The following FRAS1 variants were observed in gnomAD, a reference collection of about 807,000 sequenced individuals.
FRAS1 encodes the protein Fraser extracellular matrix complex subunit 1.
A neutral mutation model predicts 435.2 loss-of-function variants in FRAS1; 290 were observed. That is an observed-to-expected ratio of 0.67 (90% CI 0.61 to 0.73). The LOEUF (loss-of-function observed/expected upper bound fraction) is 0.73, where lower values mean the gene tolerates loss of function less well. Among genes scored for constraint, FRAS1 ranks in the 30% least tolerant of loss-of-function variants. The probability of loss-of-function intolerance (pLI) is 0.00; values close to 1 mark genes in which losing one functional copy is unlikely to be tolerated. For synonymous variants in FRAS1, 1,800 were observed against 1,851.0 expected (o/e 0.97, Z 0.71); for missense variants, 4,860 against 5,001.5 (o/e 0.97, Z 0.85).
intron 2 of FRAS1, among the ~76,000 whole-genome samples, chr4:78,089,648 C>G (rs557178071): frequency 3.8e-4 from 32 of 83,138 alleles, no homozygotes; most frequent in Admixed American, 1.6e-3. Flanking sequence ...CTGAAGAACA[C>G]ATAATATAAA....
At chr4:78,492,251 C>T (rs763843701) in intron 59 of FRAS1, among the ~76,000 whole-genome samples, 1 of 152,178 alleles carries the variant, frequency 6.6e-6, no homozygotes, top group Non-Finnish European at 1.5e-5. Flanking sequence ...TTGCTATCCC[C>T]ATCAAGCTAC....
At chr4:78,407,275 C>G (rs983744867) in intron 30 of FRAS1, among the ~76,000 whole-genome samples, 1 of 152,162 alleles carries the variant, frequency 6.6e-6, no homozygotes, top group African/African-American at 2.4e-5. Flanking sequence ...AACTTCCTGG[C>G]TGGAAAACAT....
chr4:78,344,720 T>C (rs1730540185), intron 20 of FRAS1, among the ~76,000 whole-genome samples: 1 of 152,142 alleles, frequency 6.6e-6, no homozygotes, highest in South Asian at 2.1e-4. Context: ...AACTTGCTGG[T>C]CTGTTTTAAA....
intron 18 of FRAS1, among the ~76,000 whole-genome samples, chr4:78,329,075 A>T (rs901417375): frequency 9.2e-5 from 14 of 152,018 alleles, no homozygotes; most frequent in Non-Finnish European, 1.6e-4. Flanking sequence ...CTACCATCCC[A>T]CTCTCTCAGT....
chr4:78,343,303 A>G (rs936423604), intron 20 of FRAS1, among the ~76,000 whole-genome samples: 2 of 83,852 alleles, frequency 2.4e-5, no homozygotes, highest in African/African-American at 9.9e-5. Flanking sequence ...GCAGAACAAT[A>G]TTTTGGAGTC....
In FRAS1 at chr4:78,136,572, G is replaced by A. The variant is rs145220878; in HGVS notation, c.108+70556G>A. 1.5e-4 allele frequency among the ~76,000 whole-genome samples: 23 copies of A among 152,318 alleles called. No individual in the cohort carries two copies. The East Asian group carries it at 3.9e-3, about 26-fold the overall frequency. On this transcript the variant is annotated intron_variant, in intron 2 of 73. Transcript: ENST00000512123. ...GGATTATAACACTTTAGAGTTGGAA[G>A]CAACTTTAGACAGCACGCAGTCTAA...
chr4:78,277,525 T>A (rs1373706632), intron 9 of FRAS1, among the ~76,000 whole-genome samples: 3 of 152,094 alleles, frequency 2.0e-5, no homozygotes, highest in African/African-American at 7.2e-5. Flanking sequence ...GAATACTCTT[T>A]AGGCTACAGA....
intron 23 of FRAS1, among the ~76,000 whole-genome samples, chr4:78,372,189 A>G (rs1731543314): frequency 6.6e-6 from 1 of 152,332 alleles, no homozygotes; most frequent in Non-Finnish European, 1.5e-5. Context: ...GCCCCATATA[A>G]TTCTGACATC....
chr4:78,343,954 A>G (rs1730500533), intron 20 of FRAS1, among the ~76,000 whole-genome samples: 1 of 152,198 alleles, frequency 6.6e-6, no homozygotes, highest in Admixed American at 6.5e-5. Context: ...ATAAATGGAA[A>G]GGAAGAAAAG....
Position 78,255,355 on chromosome 4 carries a change from C to G in FRAS1, c.583C>G (p.Gln195Glu), listed in dbSNP as rs775468337. 4.8e-5 allele frequency: 77 copies of G among 1,592,764 alleles called. No homozygotes were observed. In the South Asian group the frequency reaches 7.2e-4, roughly 15 times the overall value. Residue 195 changes from glutamine to glutamate, a missense_variant, in exon 6 of 74, where the codon CAG (glutamine) becomes GAG (glutamate). By Grantham distance (29) the Gln-to-Glu change is conservative. Coordinates refer to ENST00000512123, the MANE Select transcript of FRAS1 (RefSeq NM_025074.7). Reference sequence around the variant, plus strand: ...TGCCCAGTGCTTCACAGCTCAGTGTCAGCCTCTATTTTGTAACCAGGTAAG... The same window carrying G: ...TGCCCAGTGCTTCACAGCTCAGTGTGAGCCTCTATTTTGTAACCAGGTAAG... ...GVAQCFTAQC[Q>E]PLFCNQDETV...
intron 2 of FRAS1, among the ~76,000 whole-genome samples, chr4:78,187,713 C>T (rs1722332526): frequency 6.6e-6 from 1 of 152,118 alleles, no homozygotes; most frequent in Non-Finnish European, 1.5e-5. Context: ...AAGCGATTCT[C>T]CTGCCTCAGC....
At chr4:78,256,899 T>C (rs1004055403) in intron 6 of FRAS1, among the ~76,000 whole-genome samples, 15 of 152,188 alleles carry the variant, frequency 9.9e-5, no homozygotes, top group African/African-American at 3.6e-4. Context: ...AAATTTTGGA[T>C]GTTTATCATA....
At chr4:78,518,441 T>C (rs76361778) in intron 66 of FRAS1, among the ~76,000 whole-genome samples, 34 of 132,134 alleles carry the variant, frequency 2.6e-4, no homozygotes, top group Non-Finnish European at 4.1e-4. Context: ...TATATATATA[T>C]ATATATATAT....
intron 23 of FRAS1, among the ~76,000 whole-genome samples, chr4:78,371,805 G>A (rs993901469): frequency 1.1e-4 from 17 of 152,036 alleles, no homozygotes; most frequent in African/African-American, 4.1e-4. Flanking sequence ...GAATTGCCTG[G>A]GCCATTAAAA....
intron 35 of FRAS1, among the ~76,000 whole-genome samples, chr4:78,427,609 A>G (rs1345438731): frequency 6.6e-6 from 1 of 152,196 alleles, no homozygotes; most frequent in Non-Finnish European, 1.5e-5. Flanking sequence ...ATCTGTGCCT[A>G]TTTTTGAAGA....
intron 2 of FRAS1, among the ~76,000 whole-genome samples, chr4:78,236,820 G>C (rs1051489362): frequency 1.3e-5 from 2 of 152,174 alleles, no homozygotes; most frequent in African/African-American, 4.8e-5. Context: ...AATTTGTGGA[G>C]TAATAACATA....
At chr4:78,205,876 G>A (rs62309966) in intron 2 of FRAS1, among the ~76,000 whole-genome samples, 43,451 of 151,834 alleles carry the variant, frequency 0.29, 7,272 homozygotes, top group South Asian at 0.53. Flanking sequence ...GGCAGTCTCT[G>A]CCCCTCCTGC....
Position 78,252,532 on chromosome 4 carries a change from A to C in FRAS1, c.450A>C (p.Pro150=). Residue 150 remains proline (P), a synonymous_variant, in exon 5 of 74, where the codon CCA becomes CCC. Coordinates refer to ENST00000512123, the MANE Select transcript of FRAS1 (RefSeq NM_025074.7). ...LAFIPEGSCC[P]VCVGLGKPCS... ...TCATCCCTGAAGGAAGCTGCTGCCC[A>C]GTTTGTGTGGGCCTTGGGAGTGAGT... 6.2e-7 allele frequency: 1 copy of C among 1,613,604 alleles called. No individual in the cohort carries two copies. The highest frequency in any genetic ancestry group is 8.5e-7 in the Non-Finnish European group (1 of 1,179,750).
intron 2 of FRAS1, among the ~76,000 whole-genome samples, chr4:78,083,858 C>A (rs1741019682): frequency 6.6e-6 from 1 of 151,978 alleles, no homozygotes. Context: ...TGTTGATACT[C>A]TATCATTGCT....
Sources: gnomAD v4.1 joint callset for allele counts (sites outside exome capture counted in the v4.1 genomes callset) on GRCh38, gnomAD v4.1.1 for gene constraint, MANE v1.5 for transcripts, NCBI Gene and HGNC (gene_info 2026-07-23, HGNC 2026-07-21) for gene names.